KLHL32: variants seen among roughly 807,000 people sequenced by gnomAD.
KLHL32 encodes the protein kelch-like protein 32.
KLHL32 carries 35 observed loss-of-function variants against 64.8 expected under a neutral mutation model. That is an observed-to-expected ratio of 0.54 (90% CI 0.41 to 0.72). The LOEUF (loss-of-function observed/expected upper bound fraction) is 0.72. KLHL32 is among the 30% of genes least tolerant of loss of function. The pLI is 0.00. For missense variants in KLHL32, 589 were observed against 768.5 expected (o/e 0.77, Z 2.76); for synonymous variants, 259 against 281.0 (o/e 0.92, Z 0.78).
At chr6:97,101,004 C>A (rs993398501) in intron 6 of KLHL32, among the ~76,000 whole-genome samples, 1 of 120,614 alleles carries the variant, frequency 8.3e-6, no homozygotes, top group Non-Finnish European at 1.7e-5. Context: ...GACAGGGCCT[C>A]CCTATGTTGC....
intron 5 of KLHL32, among the ~76,000 whole-genome samples, chr6:97,068,764 T>A (rs2128159470): frequency 6.6e-6 from 1 of 152,342 alleles, no homozygotes; most frequent in African/African-American, 2.4e-5. Flanking sequence ...TCCCTCTTTT[T>A]ATATATCACT....
chr6:97,086,343 C>G (rs9374343), intron 6 of KLHL32, among the ~76,000 whole-genome samples: 71,161 of 152,016 alleles, frequency 0.47, 16,741 homozygotes, highest in East Asian at 0.59. Context: ...TTTCCTGATG[C>G]CTTTCTGCCT....
intron 6 of KLHL32, among the ~76,000 whole-genome samples, chr6:97,110,236 G>A (rs1045620943): frequency 3.3e-5 from 5 of 152,246 alleles, no homozygotes; most frequent in African/African-American, 1.2e-4. Flanking sequence ...TTTTTTGTCA[G>A]GTTGGTATCT....
At chr6:97,050,442 G>T (rs748322542) in intron 4 of KLHL32, among the ~76,000 whole-genome samples, 1 of 152,110 alleles carries the variant, frequency 6.6e-6, no homozygotes, top group Non-Finnish European at 1.5e-5. Flanking sequence ...GGCTGGCTTT[G>T]GCTTTTATTG....
intron 4 of KLHL32, among the ~76,000 whole-genome samples, chr6:97,043,380 A>G (rs533416006): frequency 1.3e-5 from 2 of 152,270 alleles, no homozygotes; most frequent in South Asian, 4.1e-4. Context: ...CATCCATGTC[A>G]TTGCAAATGA....
intron 5 of KLHL32, among the ~76,000 whole-genome samples, chr6:97,068,579 A>C (rs994127062): frequency 1.3e-5 from 2 of 152,226 alleles, no homozygotes; most frequent in African/African-American, 4.8e-5. Flanking sequence ...ATTTTTAACA[A>C]ATAATAGGAA....
chr6:96,931,231 G>A (rs192090321), intron 1 of KLHL32, among the ~76,000 whole-genome samples: 14 of 152,088 alleles, frequency 9.2e-5, no homozygotes, highest in Admixed American at 2.6e-4. Context: ...TCTGCACCAC[G>A]ACCTCACTCA....
At chr6:97,087,766 A>G (rs962635333) in intron 6 of KLHL32, among the ~76,000 whole-genome samples, 5 of 152,214 alleles carry the variant, frequency 3.3e-5, no homozygotes, top group Non-Finnish European at 7.3e-5. Context: ...ATATTTGGTG[A>G]AAGGTCTAAT....
At chr6:96,961,687 A>C (rs1309772576) in intron 1 of KLHL32, among the ~76,000 whole-genome samples, 2 of 152,158 alleles carry the variant, frequency 1.3e-5, no homozygotes, top group Non-Finnish European at 2.9e-5. Context: ...AAGTATAGGG[A>C]AAGATGATTG....
chr6:96,971,506 T>A (rs997364632), intron 2 of KLHL32, among the ~76,000 whole-genome samples: 1 of 152,206 alleles, frequency 6.6e-6, no homozygotes, highest in Non-Finnish European at 1.5e-5. Context: ...TTATGAATAA[T>A]CCTCTTTCCT....
chr6:97,029,094 A>G (rs1783145566), intron 3 of KLHL32, among the ~76,000 whole-genome samples: 1 of 152,202 alleles, frequency 6.6e-6, no homozygotes, highest in Admixed American at 6.5e-5. Flanking sequence ...CTTCACAATT[A>G]CCATAACTTT....
intron 6 of KLHL32, among the ~76,000 whole-genome samples, chr6:97,102,904 A>G (rs1463471219): frequency 2.0e-5 from 3 of 152,002 alleles, no homozygotes; most frequent in East Asian, 1.9e-4. Flanking sequence ...AACTGATGTC[A>G]TGGGGGTTTG....
intron 1 of KLHL32, among the ~76,000 whole-genome samples, chr6:96,928,805 G>T (rs780833484): frequency 2.0e-5 from 3 of 152,036 alleles, no homozygotes; most frequent in Non-Finnish European, 2.9e-5. Flanking sequence ...AGATGTAATC[G>T]TTTTTTTCTA....
At chr6:97,086,469 A>G (rs1793427095) in intron 6 of KLHL32, among the ~76,000 whole-genome samples, 1 of 152,148 alleles carries the variant, frequency 6.6e-6, no homozygotes, top group African/African-American at 2.4e-5. Context: ...GGCTCTCTGC[A>G]AACTTATTGA....
chr6:96,985,309 T>G (rs1406684460), intron 3 of KLHL32, among the ~76,000 whole-genome samples: 1 of 152,232 alleles, frequency 6.6e-6, no homozygotes, highest in East Asian at 1.9e-4. Flanking sequence ...TTATCATTTT[T>G]TCCTTCATTT....
intron 3 of KLHL32, among the ~76,000 whole-genome samples, chr6:96,980,753 A>G (rs1776210232): frequency 6.6e-6 from 1 of 152,134 alleles, no homozygotes; most frequent in Non-Finnish European, 1.5e-5. Flanking sequence ...TCTTTTTTAT[A>G]TATCTGGTAG....
rs763680562 is a variant in KLHL32, at chr6:97,085,077, G to A, written c.412-49G>A. 44 of 1,531,576 alleles carry A rather than the reference G, an allele frequency of 2.9e-5. No individual in the cohort carries two copies. The East Asian group carries it at 2.9e-4, about 10-fold the overall frequency. The allele number at this position is 1,531,576 out of a possible 1,614,324, so 94.9% of individuals were successfully genotyped here. A position where few individuals can be genotyped will look rare whatever the true frequency, so the allele number is the denominator to read the frequency against. Reference sequence around the variant, plus strand: ...CTGAATTTCTTGCCTGCTCTTTCTCGGATTTATTTCTAAGAGATCTTTTTT... The same window carrying A: ...CTGAATTTCTTGCCTGCTCTTTCTCAGATTTATTTCTAAGAGATCTTTTTT... On this transcript the variant is annotated intron_variant, in intron 5 of 10. Transcript: ENST00000369261.
At chr6:97,013,209 T>C (rs771926391) in intron 3 of KLHL32, among the ~76,000 whole-genome samples, 1 of 152,224 alleles carries the variant, frequency 6.6e-6, no homozygotes, top group Non-Finnish European at 1.5e-5. Context: ...TTGCACATCA[T>C]AGAAGATGCA....
At chr6:97,092,545 A>T (rs1394271785) in intron 6 of KLHL32, among the ~76,000 whole-genome samples, 1 of 152,142 alleles carries the variant, frequency 6.6e-6, no homozygotes, top group Non-Finnish European at 1.5e-5. Flanking sequence ...CTTAGATGTT[A>T]GTGAAGAGAA....
Sources: gnomAD v4.1 joint callset for allele counts (sites outside exome capture counted in the v4.1 genomes callset) on GRCh38, gnomAD v4.1.1 for gene constraint, MANE v1.5 for transcripts, NCBI Gene and HGNC (gene_info 2026-07-23, HGNC 2026-07-21) for gene names.